The following COL4A2 variants were observed in gnomAD, a reference collection of about 807,000 sequenced individuals.
COL4A2 encodes the protein collagen type IV alpha 2 chain, also known as collagen alpha-2(IV) chain.
Under a neutral mutation model 200.2 loss-of-function variants are expected in COL4A2, and 99 were observed. The ratio of observed to expected loss-of-function variants is 0.49; its 90% CI spans 0.42 to 0.58. The LOEUF (loss-of-function observed/expected upper bound fraction) is 0.58. Among genes scored for constraint, COL4A2 ranks in the 20% least tolerant of loss-of-function variants. The pLI is 0.00. For synonymous variants in COL4A2, 897 were observed against 900.6 expected, an observed-to-expected ratio of 1.00 and a Z score of 0.07; for missense variants, 1,950 against 2,314.1, an observed-to-expected ratio of 0.84 and a Z score of 3.23.
chr13:110,340,803 C>T (rs1377747198), intron 3 of COL4A2, among the ~76,000 whole-genome samples: 1 of 152,152 alleles, frequency 6.6e-6, no homozygotes, highest in Non-Finnish European at 1.5e-5. Context: ...TTGCTTCAGG[C>T]TCTGCATGTG....
chr13:110,346,974 C>T (rs1876731842), intron 3 of COL4A2, among the ~76,000 whole-genome samples: 1 of 152,240 alleles, frequency 6.6e-6, no homozygotes, highest in African/African-American at 2.4e-5. Flanking sequence ...AGTGCGAACA[C>T]CTGGGTCCAC....
At chr13:110,395,670 C>T (rs1879158224) in intron 4 of COL4A2, among the ~76,000 whole-genome samples, 1 of 152,184 alleles carries the variant, frequency 6.6e-6, no homozygotes, top group African/African-American at 2.4e-5. Flanking sequence ...TCTGGCAGGG[C>T]GCAGTGGCTC....
At chr13:110,320,209 A>G (rs955277350) in intron 3 of COL4A2, among the ~76,000 whole-genome samples, 1 of 152,198 alleles carries the variant, frequency 6.6e-6, no homozygotes, top group African/African-American at 2.4e-5. Context: ...CCCATTACAT[A>G]AGGTGGCTAG....
chr13:110,469,645 C>T (rs1039980230), intron 28 of COL4A2, among the ~76,000 whole-genome samples: 2 of 152,174 alleles, frequency 1.3e-5, no homozygotes, highest in Non-Finnish European at 2.9e-5. Context: ...CTAAGGGCAA[C>T]ACAAAGTTAT....
At chr13:110,365,106 A>AG (rs1391398558) in intron 4 of COL4A2, among the ~76,000 whole-genome samples, 1 of 151,866 alleles carries the variant, frequency 6.6e-6, no homozygotes, top group African/African-American at 2.4e-5. Context: ...TGCCTGTGTT[A>AG]GGGGCCAAGT....
Position 110,345,869 on chromosome 13 carries a change from A to G in COL4A2, c.100-11603A>G, listed in dbSNP as rs148418983. On this transcript the variant is annotated intron_variant, in intron 3 of 47. Transcript: ENST00000360467. Reference sequence around the variant, plus strand: ...TGTTCCATCTCATCTGTGCCTGGGCATGTGTACCTGTGCACAGGGGGACCA... The same window carrying G: ...TGTTCCATCTCATCTGTGCCTGGGCGTGTGTACCTGTGCACAGGGGGACCA... 7.2e-3 allele frequency among the ~76,000 whole-genome samples: 1,096 copies of G among 152,300 alleles called. 14 individuals carry two copies. Among genetic ancestry groups the G allele is most frequent in the African/African-American group, 0.025 (1,028 of 41,562 alleles).
chr13:110,352,349 T>G (rs1375499858), intron 3 of COL4A2, among the ~76,000 whole-genome samples: 2 of 152,218 alleles, frequency 1.3e-5, no homozygotes, highest in African/African-American at 4.8e-5. Flanking sequence ...CTGTTCCTAA[T>G]TTGCTCTCTA....
intron 3 of COL4A2, among the ~76,000 whole-genome samples, chr13:110,312,372 G>C (rs145437987): frequency 0.016 from 2,453 of 152,246 alleles, 31 homozygotes; most frequent in Non-Finnish European, 0.02. Context: ...GAGAGGTGAA[G>C]AGGAAAAGGT....
At chr13:110,443,113 A>G (rs781231099) in intron 16 of COL4A2, among the ~76,000 whole-genome samples, 1 of 152,158 alleles carries the variant, frequency 6.6e-6, no homozygotes, top group Non-Finnish European at 1.5e-5. Flanking sequence ...AGTGGCAGAC[A>G]TGACCTCAGA....
intron 3 of COL4A2, among the ~76,000 whole-genome samples, chr13:110,353,040 C>T (rs1877032469): frequency 1.3e-5 from 2 of 152,326 alleles, no homozygotes; most frequent in South Asian, 4.1e-4. Flanking sequence ...TGGAATTGCC[C>T]TACACAGTTG....
chr13:110,457,481 C>A, intron 21 of COL4A2, 46 bp downstream of exon 21: 4 of 1,106,300 alleles, frequency 3.6e-6, no homozygotes, highest in Non-Finnish European at 5.6e-6. Flanking sequence ...CTGGCCTTTC[C>A]AAGTCCCTCA....
In COL4A2 at chr13:110,504,181, A is replaced by G; in HGVS notation, c.4319A>G (p.Gln1440Arg). ...GGGGCTCCAGGGAAAGCTGGGCCCC[A>G]AGGAAGAGGTGGTGTGTCTGCTGTT... is the stretch of plus-strand genomic sequence containing the variant. ...FRGAPGKAGP[Q>R]GRGGVSAVPG... Residue 1440 changes from glutamine to arginine, a missense_variant, in exon 45 of 48, where the codon CAA becomes CGA. Physicochemically the swap from Gln to Arg is conservative, Grantham distance 43 (BLOSUM62 1). Transcript: ENST00000360467. 4 of 1,613,996 alleles carry G rather than the reference A, an allele frequency of 2.5e-6. No homozygotes were observed. Among genetic ancestry groups the G allele is most frequent in the Non-Finnish European group, 3.4e-6 (4 of 1,180,020 alleles).
In COL4A2 at chr13:110,331,027, C is replaced by G. The variant is rs1319507697; in HGVS notation, c.99+22904C>G. Among the ~76,000 whole-genome samples, 5 of 151,962 alleles carry G rather than the reference C, an allele frequency of 3.3e-5. No homozygotes were observed. In the East Asian group the frequency reaches 9.8e-4, roughly 30 times the overall value. ...AATAAACCCTGGGTGTTCAGATTCT[C>G]TTAGGATCAGTAATATTTTTTTCTT... On this transcript the variant is annotated intron_variant, in intron 3 of 47. Transcript: ENST00000360467.
intron 4 of COL4A2, among the ~76,000 whole-genome samples, chr13:110,381,196 C>G (rs1878475768): frequency 6.6e-6 from 1 of 150,872 alleles, no homozygotes; most frequent in Non-Finnish European, 1.5e-5. Flanking sequence ...CGGTCTCTAT[C>G]TCATACCCAC....
intron 22 of COL4A2, among the ~76,000 whole-genome samples, chr13:110,461,665 C>T (rs930391797): frequency 1.3e-5 from 2 of 152,056 alleles, no homozygotes; most frequent in Admixed American, 6.6e-5. Context: ...GGATTACAGG[C>T]GTGCACCACC....
chr13:110,468,852 G>A (rs9521794), intron 27 of COL4A2, among the ~76,000 whole-genome samples: 90,615 of 151,936 alleles, frequency 0.6, 27,862 homozygotes, highest in Middle Eastern at 0.73. Context: ...TGAGGCAGGC[G>A]ATCCTTCTCC....
chr13:110,452,089 G>A (rs936190900), intron 20 of COL4A2, among the ~76,000 whole-genome samples: 4 of 152,144 alleles, frequency 2.6e-5, no homozygotes, highest in Non-Finnish European at 5.9e-5. Flanking sequence ...AGTGGACAGT[G>A]TTTGGTTTCA....
intron 29 of COL4A2, among the ~76,000 whole-genome samples, chr13:110,474,267 G>A (rs1019414639): frequency 1.3e-5 from 2 of 152,242 alleles, no homozygotes; most frequent in African/African-American, 4.8e-5. Flanking sequence ...GGAAGCAGGT[G>A]TCGCTCCCCT....
intron 4 of COL4A2, among the ~76,000 whole-genome samples, chr13:110,366,191 A>G (rs1336910483): frequency 6.6e-6 from 1 of 152,218 alleles, no homozygotes; most frequent in Non-Finnish European, 1.5e-5. Flanking sequence ...TTCTTAGTAA[A>G]CAATTGCAGG....
Sources: gnomAD v4.1 joint callset for allele counts (sites outside exome capture counted in the v4.1 genomes callset) on GRCh38, gnomAD v4.1.1 for gene constraint, MANE v1.5 for transcripts, NCBI Gene and HGNC (gene_info 2026-07-23, HGNC 2026-07-21) for gene names.